The following SYNJ2 variants were observed in gnomAD, a reference collection of about 807,000 sequenced individuals.
SYNJ2 encodes the protein polyphosphatidylinositol phosphatase SYNJ2.
In SYNJ2, 116 loss-of-function variants were observed where a neutral mutation model predicts 141.3. The ratio of observed to expected loss-of-function variants is 0.82; its 90% CI spans 0.71 to 0.96. SYNJ2 has a LOEUF of 0.96. Ranked by LOEUF, SYNJ2 falls within the 40% of genes least tolerant of loss-of-function variation. The pLI, the probability that SYNJ2 is intolerant of heterozygous loss-of-function variation, is 0.00. For missense variants in SYNJ2, 1,873 were observed against 1,934.8 expected (o/e 0.97, Z 0.60); for synonymous variants, 745 against 777.7 (o/e 0.96, Z 0.70).
chr6:158,017,855 C>T (rs1778550805), intron 2 of SYNJ2: 5 of 492,240 alleles, frequency 1.0e-5, no homozygotes, highest in South Asian at 4.5e-5. Flanking sequence ...TTCCCGGCAC[C>T]CCCACCCTGT....
chr6:158,076,987 T>G (rs372804668), intron 17 of SYNJ2, among the ~76,000 whole-genome samples: 2 of 151,140 alleles, frequency 1.3e-5, no homozygotes, highest in Non-Finnish European at 2.9e-5. Flanking sequence ...CCTCTTTTTT[T>G]CCCTTTTCTT....
In SYNJ2 at chr6:158,040,367, T is replaced by C. The variant is rs1028892567; in HGVS notation, c.712-2949T>C. Among the ~76,000 whole-genome samples the C allele has an allele frequency of 2.6e-5, 4 of 152,154 alleles. No individual in the cohort carries two copies. Among genetic ancestry groups the C allele is most frequent in the Non-Finnish European group, 4.4e-5 (3 of 68,026 alleles). On this transcript the variant is annotated intron_variant, in intron 4 of 26. Transcript: ENST00000355585. This position sits in a 1 kb window ranked among gnomAD's most constrained non-coding sequence, Gnocchi z 4.2. ...ACATGTGTGGGTTGTGTATGTGTTG[T>C]GTGTCTGCACGCACAGATGTTGTGT...
In SYNJ2 at chr6:158,040,192, A is replaced by G. The variant is rs149210017; in HGVS notation, c.712-3124A>G. Among the ~76,000 whole-genome samples, 45 of 152,022 alleles carry G rather than the reference A, an allele frequency of 3.0e-4. No individual in the cohort carries two copies. In the East Asian group the frequency reaches 4.8e-3, roughly 16 times the overall value. ...GTGTGTGCATGGGTTGTATGTGTAC[A>G]GTGTGTGCGTGGTATGTGCATTTAT... On this transcript the variant is annotated intron_variant, in intron 4 of 26. Transcript: ENST00000355585. This position sits in a 1 kb window ranked among gnomAD's most constrained non-coding sequence, Gnocchi z 4.2.
At chr6:158,004,144 G>A (rs554888393) in intron 1 of SYNJ2, among the ~76,000 whole-genome samples, 3 of 152,186 alleles carry the variant, frequency 2.0e-5, no homozygotes, top group South Asian at 2.1e-4. Flanking sequence ...GACCCCACAC[G>A]CCATTGTCAG....
At chr6:157,995,892 A>T (rs1777615243) in intron 1 of SYNJ2, among the ~76,000 whole-genome samples, 1 of 152,220 alleles carries the variant, frequency 6.6e-6, no homozygotes, top group Admixed American at 6.5e-5. Flanking sequence ...AGTTTCTGGG[A>T]ATAAACAAAG....
At position 158,064,623 on chromosome 6, in the gene SYNJ2, C is replaced by T. The variant is rs150778836; in HGVS notation, c.1232C>T (p.Thr411Ile). 3.7e-6 allele frequency: 6 copies of T among 1,614,006 alleles called. No individual in the cohort carries two copies. In the African/African-American group the frequency reaches 5.3e-5, roughly 14 times the overall value. The change falls in exon 10 of 27, where the codon ACC becomes ATC. Residue 411 changes from threonine (T) to isoleucine (I), a missense_variant. Coordinates refer to ENST00000355585, the MANE Select transcript of SYNJ2 (RefSeq NM_003898.4). ...ALEVLHLQLKTLGLSSKPIVD... is the reference protein window; with the variant it reads ...ALEVLHLQLKILGLSSKPIVD... The stretch of plus-strand genomic sequence containing the variant: ...CAGGTCCTGCATCTGCAGCTCAAGA[C>T]CCTGGGGCTGAGTTCAAAACCCATC...
intron 1 of SYNJ2, among the ~76,000 whole-genome samples, chr6:158,012,570 C>G (rs1219819773): frequency 6.6e-6 from 1 of 152,236 alleles, no homozygotes; most frequent in African/African-American, 2.4e-5. Flanking sequence ...AGATGCAGAC[C>G]TGCCGACACC....
At chr6:158,001,104 T>TCCCC (rs10682952) in intron 1 of SYNJ2, 36,371 of 152,086 alleles carry the variant, frequency 0.24, 5,200 homozygotes, top group African/African-American at 0.41. Flanking sequence ...GTCCGCGGTA[T>TCCCC]CCCCAGCTCT....
Position 158,097,290 on chromosome 6 carries a change from G to A in SYNJ2, c.*926G>A, listed in dbSNP as rs892968096. On this transcript the variant is annotated 3_prime_UTR_variant, in exon 27 of 27. Transcript: ENST00000355585. ...GCCTCGTCTGTCCGGCTGGAGCTTC[G>A]GGATGGAAAGTGCTATGTGTCCCTG... 7 of 152,160 alleles carry A rather than the reference G, an allele frequency of 4.6e-5. No homozygotes were observed. The highest frequency in any genetic ancestry group is 1.2e-4 in the African/African-American group (5 of 41,422). The allele number at this position is 152,160 out of a possible 1,614,324, so 9.4% of individuals were successfully genotyped here. A position where few individuals can be genotyped will look rare whatever the true frequency, so the allele number is the denominator to read the frequency against.
chr6:157,982,574 A>C lies in SYNJ2; in HGVS notation c.127+486A>C, dbSNP rs1389893445. Among the ~76,000 whole-genome samples, 3 of 152,206 alleles carry C rather than the reference A, an allele frequency of 2.0e-5. No homozygotes were observed. Among genetic ancestry groups the C allele is most frequent in the Non-Finnish European group, 4.4e-5 (3 of 68,022 alleles). ...CTGATGGCAGCTTTGTCCCACGTAA[A>C]TACTTGGTCGAGAAGCATCGGTGCT... On this transcript the variant is annotated intron_variant, in intron 1 of 26. Coordinates refer to ENST00000355585, the MANE Select transcript of SYNJ2 (RefSeq NM_003898.4). This position sits in a 1 kb window ranked among gnomAD's most constrained non-coding sequence, Gnocchi z 4.0.
At chr6:157,985,844 G>C (rs1226813773) in intron 1 of SYNJ2, among the ~76,000 whole-genome samples, 1 of 152,158 alleles carries the variant, frequency 6.6e-6, no homozygotes, top group Non-Finnish European at 1.5e-5. Flanking sequence ...CAGGAGACTT[G>C]AGAGAATTAA....
At chr6:158,047,742 A>G (rs576831812) in intron 5 of SYNJ2, among the ~76,000 whole-genome samples, 2 of 123,942 alleles carry the variant, frequency 1.6e-5, no homozygotes, top group Non-Finnish European at 3.2e-5. Context: ...GTGCCACCAC[A>G]CTCTAGCCTG....
At chr6:158,017,524 C>G (rs554011943) in intron 2 of SYNJ2, 1 of 529,770 alleles carries the variant, frequency 1.9e-6, no homozygotes, top group Non-Finnish European at 3.3e-6. Flanking sequence ...AAGCAATTCT[C>G]CTGCCTCAGC....
At chr6:158,045,076 T>C (rs1302340950) in intron 5 of SYNJ2, among the ~76,000 whole-genome samples, 2 of 151,332 alleles carry the variant, frequency 1.3e-5, no homozygotes, top group African/African-American at 4.9e-5. Context: ...TTCCACCCTC[T>C]GACTCTCAGT....
intron 2 of SYNJ2, among the ~76,000 whole-genome samples, chr6:158,022,028 T>C (rs1401355247): frequency 2.0e-5 from 3 of 152,120 alleles, no homozygotes; most frequent in African/African-American, 4.8e-5. Context: ...TGCCTACACC[T>C]CCCTCATGTT....
At position 158,076,701 on chromosome 6, in the gene SYNJ2, G is replaced by C; in HGVS notation, c.2368G>C (p.Asp790His). The change falls in exon 17 of 27, where the codon GAT becomes CAT. Residue 790 changes from aspartate (D) to histidine (H), a missense_variant. Coordinates refer to ENST00000355585, the MANE Select transcript of SYNJ2 (RefSeq NM_003898.4). ...YKYDVGSAAY[D>H]TSDKCRTPAW... ...GTATGACGTTGGCTCAGCCGCCTAC[G>C]ATACAAGCGACAAATGCCGCACCCC... 1 of 1,614,164 alleles carries C rather than the reference G, an allele frequency of 6.2e-7. No homozygotes were observed. Among genetic ancestry groups the C allele is most frequent in the East Asian group, 2.2e-5 (1 of 44,878 alleles).
chr6:158,066,693 C>CTAAA, intron 12 of SYNJ2, 58 bp downstream of exon 12: 1 of 1,572,138 alleles, frequency 6.4e-7, no homozygotes, highest in Non-Finnish European at 8.6e-7. Context: ...TGACATGTCA[C>CTAAA]GCTTGACCCT....
At chr6:158,029,480 G>A (rs59271040) in intron 3 of SYNJ2, 2,912 of 155,900 alleles carry the variant, frequency 0.019, 73 homozygotes, top group African/African-American at 0.062. Context: ...CAGGAGAATC[G>A]CTTAAACCCA....
chr6:157,982,173 C>T lies in SYNJ2; in HGVS notation c.127+85C>T. 1 of 1,246,678 alleles carries T rather than the reference C, an allele frequency of 8.0e-7. No individual in the cohort carries two copies. The highest frequency in any genetic ancestry group is 1.0e-6 in the Non-Finnish European group (1 of 994,008). 77.2% of individuals were successfully genotyped at this position (1,246,678 alleles called of 1,614,324 possible). On this transcript the variant is annotated intron_variant, in intron 1 of 26. Coordinates refer to ENST00000355585, the MANE Select transcript of SYNJ2 (RefSeq NM_003898.4). The surrounding 1 kb of genome is among the most constrained non-coding windows in gnomAD (Gnocchi z 4.0). ...TCGGGAAGACGGGTACCCCCCCTTC[C>T]CGAGGGGATCGGGCGGCGCTGGGAC...
Sources: gnomAD v4.1 joint callset for allele counts (sites outside exome capture counted in the v4.1 genomes callset) on GRCh38, gnomAD v4.1.1 for gene constraint, Gnocchi (gnomAD v3.1) non-coding constraint, MANE v1.5 for transcripts, NCBI Gene and HGNC (gene_info 2026-07-23, HGNC 2026-07-21) for gene names.